NTN1: variants seen among roughly 807,000 people sequenced by gnomAD.
NTN1 encodes netrin 1.
A neutral mutation model predicts 54.2 loss-of-function variants in NTN1; 11 were observed. The observed-to-expected ratio is 0.20, with a 90% CI of 0.13 to 0.34. The LOEUF is 0.34. NTN1 is among the 10% of genes least tolerant of loss of function. The pLI is 1.00. For missense variants in NTN1, 740 were observed against 893.1 expected (o/e 0.83, Z 2.18); for synonymous variants, 371 against 382.0 (o/e 0.97, Z 0.33).
chr17:9,180,035 G>C, intron 4 of NTN1, 79 bp downstream of exon 4: 1 of 1,450,644 alleles, frequency 6.9e-7, no homozygotes, highest in Non-Finnish European at 9.2e-7. Flanking sequence ...AGTCACTGAT[G>C]TTCAGTGGGT....
intron 6 of NTN1, among the ~76,000 whole-genome samples, chr17:9,237,769 G>A (rs1380241277): frequency 6.6e-6 from 1 of 152,128 alleles, no homozygotes; most frequent in Non-Finnish European, 1.5e-5. Context: ...CTTAGCTAAG[G>A]GGCACTCAGT....
intron 2 of NTN1, among the ~76,000 whole-genome samples, chr17:9,054,029 G>A (rs1171997730): frequency 2.0e-5 from 3 of 152,182 alleles, no homozygotes; most frequent in Non-Finnish European, 4.4e-5. Context: ...CCTTGGCAGG[G>A]ATCCCCGTTG....
At chr17:9,172,266 G>C (rs961614679) in intron 3 of NTN1, among the ~76,000 whole-genome samples, 45 of 152,074 alleles carry the variant, frequency 3.0e-4, no homozygotes, top group Admixed American at 1.8e-3. Context: ...GGGAGGCCGA[G>C]GAGGGCAGAT....
intron 2 of NTN1, among the ~76,000 whole-genome samples, chr17:9,032,327 A>G (rs1451332403): frequency 2.0e-5 from 3 of 152,256 alleles, no homozygotes; most frequent in African/African-American, 7.2e-5. Context: ...TGGTCCCCCA[A>G]GGAATGTCCG....
At chr17:9,164,401 G>A (rs546414966) in intron 3 of NTN1, among the ~76,000 whole-genome samples, 7 of 151,798 alleles carry the variant, frequency 4.6e-5, no homozygotes, top group African/African-American at 1.7e-4. Context: ...CTCCAGCCTG[G>A]GTGACAGAGC....
At chr17:9,099,912 A>C (rs2092144203) in intron 2 of NTN1, among the ~76,000 whole-genome samples, 1 of 152,206 alleles carries the variant, frequency 6.6e-6, no homozygotes, top group Non-Finnish European at 1.5e-5. Context: ...TATAGAAGAA[A>C]AATGTACTGA....
intron 2 of NTN1, among the ~76,000 whole-genome samples, chr17:9,043,477 C>T (rs2091929658): frequency 6.6e-6 from 1 of 152,172 alleles, no homozygotes; most frequent in Non-Finnish European, 1.5e-5. Flanking sequence ...TAAAAAGGAT[C>T]TGTCAGTTTT....
intron 3 of NTN1, chr17:9,177,541 C>T (rs2092403694): frequency 6.6e-6 from 1 of 152,230 alleles, no homozygotes; most frequent in African/African-American, 2.4e-5. Flanking sequence ...GGGAGAATGT[C>T]TTGGCATGAA....
chr17:9,072,653 G>A (rs2092035957), intron 2 of NTN1, among the ~76,000 whole-genome samples: 1 of 152,186 alleles, frequency 6.6e-6, no homozygotes, highest in Non-Finnish European at 1.5e-5. Context: ...GAATGCAGCG[G>A]TGATGGGAAG....
intron 2 of NTN1, among the ~76,000 whole-genome samples, chr17:9,037,774 C>T (rs1046261150): frequency 3.3e-5 from 5 of 152,172 alleles, no homozygotes; most frequent in Non-Finnish European, 2.9e-5. Context: ...TCTGCTACTG[C>T]GATTACAGCT....
At chr17:9,110,447 T>C (rs1175704069) in intron 2 of NTN1, among the ~76,000 whole-genome samples, 1 of 152,086 alleles carries the variant, frequency 6.6e-6, no homozygotes, top group Non-Finnish European at 1.5e-5. Flanking sequence ...TTTTTGTGTT[T>C]TTAGTAGAAA....
At chr17:9,231,122 G>A (rs1157215155) in intron 6 of NTN1, among the ~76,000 whole-genome samples, 2 of 152,156 alleles carry the variant, frequency 1.3e-5, no homozygotes, top group Non-Finnish European at 2.9e-5. Context: ...GGCATTTCGT[G>A]AGGTGTACCC....
intron 2 of NTN1, among the ~76,000 whole-genome samples, chr17:9,142,076 G>A (rs966888696): frequency 2.6e-5 from 4 of 152,078 alleles, no homozygotes; most frequent in African/African-American, 4.8e-5. Flanking sequence ...GCAGTGAGCC[G>A]AGATCGTGCC....
At chr17:9,031,884 C>G (rs1382338655) in intron 2 of NTN1, among the ~76,000 whole-genome samples, 6 of 152,028 alleles carry the variant, frequency 3.9e-5, no homozygotes, top group Non-Finnish European at 5.9e-5. Context: ...TCTCTTGAAC[C>G]CGGGAGGCCG....
intron 2 of NTN1, among the ~76,000 whole-genome samples, chr17:9,113,135 T>C (rs1201063888): frequency 6.6e-6 from 1 of 151,364 alleles, no homozygotes; most frequent in African/African-American, 2.4e-5. Context: ...GTGATTCTCC[T>C]GCCTCAGCCT....
rs1316614226 is a variant in NTN1, at chr17:9,106,464, CCTCCCTTCCTTCCTTCCTT to C, written c.1019-56347_1019-56329del. 3.1e-5 allele frequency among the ~76,000 whole-genome samples: 3 copies of C among 97,768 alleles called. No individual in the cohort carries two copies. In the East Asian group the frequency reaches 6.8e-4, roughly 22 times the overall value. The allele number at this position is 97,768 out of a possible 152,430, so 64.1% of individuals were successfully genotyped here. A position where few individuals can be genotyped will look rare whatever the true frequency, so the allele number is the denominator to read the frequency against. Reference sequence around the variant, plus strand: ...CAAAATGGCATTTCCTTCCTTCCTTCCTCCCTTCCTTCCTTCCTTCCTTCCTTCCTTCCTTCCTTCCTTC... The same window carrying C: ...CAAAATGGCATTTCCTTCCTTCCTTCCCTTCCTTCCTTCCTTCCTTCCTTC... On this transcript the variant is annotated intron_variant, in intron 2 of 6. Coordinates refer to ENST00000173229, the MANE Select transcript of NTN1 (RefSeq NM_004822.3).
chr17:9,206,496 G>A (rs1486048682), intron 5 of NTN1, among the ~76,000 whole-genome samples: 1 of 152,084 alleles, frequency 6.6e-6, no homozygotes, highest in Non-Finnish European at 1.5e-5. Flanking sequence ...GGGCTGGGGC[G>A]GCTCAGGTAG....
chr17:9,086,535 G>A (rs764399827), intron 2 of NTN1, among the ~76,000 whole-genome samples: 7 of 152,112 alleles, frequency 4.6e-5, no homozygotes, highest in Non-Finnish European at 1.0e-4. Flanking sequence ...AGGTTAGAAC[G>A]GGTGCTATGG....
Position 9,229,145 on chromosome 17 carries a change from G to T in NTN1, c.1486+7903G>T, listed in dbSNP as rs115132416. The stretch of plus-strand genomic sequence containing the variant: ...GTGTTACTGTGAGTGTGTGACTGTG[G>T]CTGTTTGTGACTGTGTGAGACTGTG... On this transcript the variant is annotated intron_variant, in intron 6 of 6. Transcript: ENST00000173229. Among the ~76,000 whole-genome samples, 32 of 139,606 alleles carry T rather than the reference G, an allele frequency of 2.3e-4. No individual in the cohort carries two copies. In the Admixed American group the frequency reaches 2.4e-3, roughly 10 times the overall value. The allele number at this position is 139,606 out of a possible 152,430, so 91.6% of individuals were successfully genotyped here. A position where few individuals can be genotyped will look rare whatever the true frequency, so the allele number is the denominator to read the frequency against.
Sources: gnomAD v4.1 joint callset for allele counts (sites outside exome capture counted in the v4.1 genomes callset) on GRCh38, gnomAD v4.1.1 for gene constraint, MANE v1.5 for transcripts, NCBI Gene and HGNC (gene_info 2026-07-23, HGNC 2026-07-21) for gene names.